PTPRT: variants seen among roughly 807,000 people sequenced by gnomAD.
The protein encoded by PTPRT is receptor-type tyrosine-protein phosphatase T.
PTPRT carries 56 observed loss-of-function variants against 176.8 expected under a neutral mutation model. The ratio of observed to expected loss-of-function variants is 0.32; its 90% confidence interval spans 0.26 to 0.40. PTPRT has a LOEUF of 0.40. Among genes scored for constraint, PTPRT ranks in the 10% least tolerant of loss-of-function variants. The pLI, the probability that PTPRT is intolerant of heterozygous loss-of-function variation, is 1.00. For synonymous variants in PTPRT, 783 were observed against 739.0 expected (o/e 1.06, Z -0.96); for missense variants, 1,540 against 1,908.2 (o/e 0.81, Z 3.60).
intron 7 of PTPRT, among the ~76,000 whole-genome samples, chr20:42,625,422 C>T (rs1049068580): frequency 5.9e-5 from 9 of 151,886 alleles, no homozygotes; most frequent in African/African-American, 2.2e-4. Flanking sequence ...TGAAACATAC[C>T]AGAACCTTTT....
Position 42,199,333 on chromosome 20 carries a change from G to T in PTPRT, c.2398C>A (p.Pro800Thr). The T allele has an allele frequency of 6.2e-7, 1 of 1,614,124 alleles. No individual in the cohort carries two copies. The highest frequency in any genetic ancestry group is 8.5e-7 in the Non-Finnish European group (1 of 1,179,994). ...GTGGGTTTGTCGGCAGAGGCCACAG[G>T]CCCCATCTCCCTCTGGGCTCCACTC... ...TQSGAQREMG[P>T]VASADKPTTK... is the part of the protein sequence containing the mutation. The change falls in exon 16 of 31, where the codon CCT (proline) becomes ACT (threonine). Residue 800 changes from proline to threonine, a missense_variant. By Grantham distance (38) the Pro-to-Thr change is conservative (BLOSUM62 -1). Around this residue, in one of 11 missense-constraint regions of PTPRT, gnomAD observed 255 missense variants for 250.1 expected, o/e 1.02. Transcript: ENST00000373187.
intron 7 of PTPRT, among the ~76,000 whole-genome samples, chr20:42,520,350 C>T (rs954545028): frequency 4.6e-5 from 7 of 152,100 alleles, no homozygotes; most frequent in Non-Finnish European, 1.0e-4. Flanking sequence ...ATCATGGAAT[C>T]CCCGTCCCAG....
chr20:42,235,991 T>C (rs2056233624), intron 15 of PTPRT, among the ~76,000 whole-genome samples: 1 of 152,148 alleles, frequency 6.6e-6, no homozygotes, highest in Admixed American at 6.5e-5. Flanking sequence ...AAACAGCCCT[T>C]CACATCTCTA....
intron 9 of PTPRT, among the ~76,000 whole-genome samples, chr20:42,383,224 T>C (rs1051605664): frequency 1.3e-5 from 2 of 152,170 alleles, no homozygotes; most frequent in African/African-American, 4.8e-5. Context: ...GGTGGAGTTA[T>C]GGAATACAGG....
At chr20:43,091,076 C>CT (rs1253038889) in intron 1 of PTPRT, among the ~76,000 whole-genome samples, 1 of 152,064 alleles carries the variant, frequency 6.6e-6, no homozygotes, top group Non-Finnish European at 1.5e-5. Flanking sequence ...ACTAAAAATA[C>CT]AAAAATAAGT....
At position 42,119,924 on chromosome 20, in the gene PTPRT, A is replaced by G. The variant is rs776982397; in HGVS notation, c.2884+11T>C. 6.2e-7 allele frequency: 1 copy of G among 1,607,148 alleles called. No homozygotes were observed. Among genetic ancestry groups the G allele is most frequent in the African/African-American group, 1.3e-5 (1 of 74,602 alleles). ...CCTCTCTGAGGCACTAGGTGGAGGG[A>G]GGGCACTTACCTTGAGTCGCAATGT... On this transcript the variant is annotated intron_variant, in intron 20 of 30. Coordinates refer to ENST00000373187, the MANE Select transcript of PTPRT (RefSeq NM_007050.6).
intron 12 of PTPRT, among the ~76,000 whole-genome samples, chr20:42,314,854 T>C (rs1415476634): frequency 6.6e-6 from 1 of 152,198 alleles, no homozygotes; most frequent in African/African-American, 2.4e-5. Flanking sequence ...GCCCACTCCC[T>C]ACTCCAGAAA....
chr20:42,540,008 C>A (rs1326667789), intron 7 of PTPRT, among the ~76,000 whole-genome samples: 1 of 152,066 alleles, frequency 6.6e-6, no homozygotes, highest in Admixed American at 6.5e-5. Flanking sequence ...CAACAAAATT[C>A]CCTAGATGTG....
At chr20:43,089,085 C>T (rs1163920206) in intron 1 of PTPRT, among the ~76,000 whole-genome samples, 4 of 152,168 alleles carry the variant, frequency 2.6e-5, no homozygotes, top group African/African-American at 7.2e-5. Context: ...TATTTGAGGG[C>T]CAAATACCAC....
chr20:42,627,140 C>A (rs76103310), intron 7 of PTPRT, among the ~76,000 whole-genome samples: 2 of 151,820 alleles, frequency 1.3e-5, no homozygotes, highest in African/African-American at 2.4e-5. Flanking sequence ...ATTTTTGGTA[C>A]GATTTTATTT....
intron 13 of PTPRT, among the ~76,000 whole-genome samples, chr20:42,256,122 G>A (rs1278132991): frequency 6.6e-6 from 1 of 152,156 alleles, no homozygotes; most frequent in East Asian, 1.9e-4. Flanking sequence ...AGCATTACAG[G>A]CATCTCTGAT....
intron 15 of PTPRT, among the ~76,000 whole-genome samples, chr20:42,234,331 T>C (rs557100208): frequency 2.0e-5 from 3 of 152,298 alleles, no homozygotes; most frequent in South Asian, 2.1e-4. Context: ...TCAAAAAGTT[T>C]AGAAAATTTG....
At chr20:42,215,179 T>G (rs564486142) in intron 15 of PTPRT, among the ~76,000 whole-genome samples, 25 of 152,272 alleles carry the variant, frequency 1.6e-4, no homozygotes, top group African/African-American at 5.5e-4. Context: ...GAATGCTGTC[T>G]GAGCTCTGAA....
chr20:42,934,070 C>T (rs948827892), intron 1 of PTPRT, among the ~76,000 whole-genome samples: 3 of 152,224 alleles, frequency 2.0e-5, no homozygotes, highest in African/African-American at 7.2e-5. Flanking sequence ...CAGTGACACA[C>T]GTTGGAATTA....
At chr20:43,071,578 G>C (rs186042832) in intron 1 of PTPRT, among the ~76,000 whole-genome samples, 126 of 152,076 alleles carry the variant, frequency 8.3e-4, no homozygotes, top group African/African-American at 3.0e-3. Context: ...ATGAGGTTGG[G>C]AGTTCGAGAC....
chr20:43,035,107 A>G (rs184121944), intron 1 of PTPRT, among the ~76,000 whole-genome samples: 2 of 152,256 alleles, frequency 1.3e-5, no homozygotes, highest in East Asian at 3.9e-4. Flanking sequence ...TGGGCACCCA[A>G]CTGCAACTCT....
chr20:42,372,705 G>A (rs2058603033), intron 9 of PTPRT, among the ~76,000 whole-genome samples: 1 of 152,126 alleles, frequency 6.6e-6, no homozygotes, highest in South Asian at 2.1e-4. Context: ...ATATTAAAAG[G>A]TGGGACCTTT....
chr20:42,626,624 GCA>G (rs2074294909), intron 7 of PTPRT, among the ~76,000 whole-genome samples: 1 of 152,100 alleles, frequency 6.6e-6, no homozygotes, highest in Non-Finnish European at 1.5e-5. Context: ...CTCTTTAGTT[GCA>G]AGATTCCAAG....
chr20:42,464,768 C>T (rs1700510696), intron 8 of PTPRT, among the ~76,000 whole-genome samples: 1 of 152,110 alleles, frequency 6.6e-6, no homozygotes, highest in African/African-American at 2.4e-5. Context: ...GTTGTTATTG[C>T]TTTTTCTGCT....
Sources: allele counts gnomAD v4.1 joint callset (sites outside exome capture counted in the v4.1 genomes callset), GRCh38; gene constraint gnomAD v4.1.1; regional missense constraint gnomAD v4.1.1; transcripts MANE v1.5; gene names NCBI Gene and HGNC (gene_info 2026-07-23, HGNC 2026-07-21).